The following CTIF variants were observed in gnomAD, a reference collection of about 807,000 sequenced individuals.
CTIF encodes cap binding complex dependent translation initiation factor.
A neutral mutation model predicts 66.0 loss-of-function variants in CTIF; 21 were observed. The observed-to-expected ratio is 0.32, with a 90% CI of 0.23 to 0.46. The LOEUF (loss-of-function observed/expected upper bound fraction) is 0.46. Ranked by LOEUF, CTIF falls within the 20% of genes least tolerant of loss-of-function variation. The pLI, the probability that CTIF is intolerant of heterozygous loss-of-function variation, is 1.00. For missense variants in CTIF, 739 were observed against 812.7 expected (o/e 0.91, Z 1.10); for synonymous variants, 345 against 326.4 (o/e 1.06, Z -0.62).
intron 1 of CTIF, among the ~76,000 whole-genome samples, chr18:48,585,150 C>T (rs1382250938): frequency 3.3e-5 from 5 of 152,262 alleles, no homozygotes; most frequent in Non-Finnish European, 1.5e-5. Context: ...ATTTCTCAAA[C>T]CCAGAGCATT....
intron 1 of CTIF, among the ~76,000 whole-genome samples, chr18:48,575,643 G>A (rs925395331): frequency 1.3e-5 from 2 of 152,170 alleles, no homozygotes; most frequent in South Asian, 4.1e-4. Flanking sequence ...GGGATGGAAG[G>A]TCCGTGGAGA....
intron 1 of CTIF, among the ~76,000 whole-genome samples, chr18:48,599,345 T>G (rs1347110309): frequency 1.3e-5 from 2 of 151,994 alleles, no homozygotes; most frequent in East Asian, 3.9e-4. Context: ...TTTTTTCTTG[T>G]TCATAAAAAT....
chr18:48,560,319 A>C (rs542780995), intron 1 of CTIF, among the ~76,000 whole-genome samples: 1 of 146,474 alleles, frequency 6.8e-6, no homozygotes, highest in Admixed American at 7.0e-5. Flanking sequence ...CTCGCCTCCC[A>C]GGTTCACGCC....
chr18:48,814,989 A>G (rs2068332689), intron 9 of CTIF, among the ~76,000 whole-genome samples: 1 of 152,202 alleles, frequency 6.6e-6, no homozygotes, highest in Non-Finnish European at 1.5e-5. Context: ...CTGCACTTAC[A>G]AGGGACCGTG....
intron 1 of CTIF, among the ~76,000 whole-genome samples, chr18:48,574,761 G>C (rs536687051): frequency 7.6e-6 from 1 of 130,836 alleles, no homozygotes; most frequent in East Asian, 2.1e-4. Flanking sequence ...TCCCCTAGGA[G>C]TGTGGTGTGA....
At chr18:48,759,438 G>A (rs780740504) in intron 8 of CTIF, among the ~76,000 whole-genome samples, 7 of 152,300 alleles carry the variant, frequency 4.6e-5, no homozygotes, top group Admixed American at 6.5e-5. Context: ...CCTCTTCTTG[G>A]ATCCACTCTT....
Position 48,758,054 on chromosome 18 carries a change from T to C in CTIF, c.720T>C (p.Thr240=), listed in dbSNP as rs1264439280. The change falls in exon 8 of 12, where the codon ACT becomes ACC. Residue 240 remains threonine, a synonymous_variant. Transcript: ENST00000256413. ...GSAPHPSGRP[T]HHGYSQNRRW... ...CACCCCACCCCTCAGGGAGGCCCAC[T>C]CACCATGGCTACAGCCAGAACCGGC... 7 of 1,613,270 alleles carry C rather than the reference T, an allele frequency of 4.3e-6. No individual in the cohort carries two copies. The highest frequency in any genetic ancestry group is 5.9e-6 in the Non-Finnish European group (7 of 1,179,818).
intron 1 of CTIF, among the ~76,000 whole-genome samples, chr18:48,579,592 C>G (rs1357302518): frequency 1.3e-5 from 2 of 152,062 alleles, no homozygotes; most frequent in African/African-American, 4.8e-5. Context: ...CCCCCCAAGC[C>G]CACACACACA....
intron 1 of CTIF, among the ~76,000 whole-genome samples, chr18:48,575,318 C>T (rs1052943426): frequency 3.9e-5 from 6 of 152,206 alleles, no homozygotes; most frequent in Admixed American, 6.5e-5. Flanking sequence ...GCAACACGGC[C>T]GAGTAACAGA....
intron 9 of CTIF, among the ~76,000 whole-genome samples, chr18:48,795,622 A>G (rs1057240338): frequency 2.6e-5 from 4 of 152,138 alleles, no homozygotes; most frequent in South Asian, 2.1e-4. Context: ...GGGTAGTCCT[A>G]TTTTCCCAGG....
intron 6 of CTIF, among the ~76,000 whole-genome samples, chr18:48,678,063 A>G (rs980327345): frequency 1.3e-5 from 2 of 152,190 alleles, no homozygotes; most frequent in East Asian, 3.8e-4. Flanking sequence ...CTCCTCTGGT[A>G]CCTCTTTCTA....
chr18:48,795,988 A>G (rs372792794), intron 9 of CTIF, among the ~76,000 whole-genome samples: 153 of 152,204 alleles, frequency 1.0e-3, no homozygotes, highest in African/African-American at 3.6e-3. Flanking sequence ...CCAAATGCCC[A>G]GGTGTTGGTT....
chr18:48,749,240 A>G (rs1372968411), intron 7 of CTIF, among the ~76,000 whole-genome samples: 1 of 152,214 alleles, frequency 6.6e-6, no homozygotes, highest in Non-Finnish European at 1.5e-5. Context: ...GCTAAGGCCC[A>G]TCAGCCAGGG....
chr18:48,551,140 T>C (rs1017920430), intron 1 of CTIF, among the ~76,000 whole-genome samples: 1 of 149,110 alleles, frequency 6.7e-6, no homozygotes, highest in African/African-American at 2.5e-5. Flanking sequence ...ATGACTGGTG[T>C]CCTTAAAAGA....
chr18:48,670,621 G>C, intron 5 of CTIF, 48 bp from the exon 6 acceptor site: 1 of 1,529,618 alleles, frequency 6.5e-7, no homozygotes, highest in Non-Finnish European at 9.1e-7. Flanking sequence ...GGGACAGGAG[G>C]CATGAATGAG....
At chr18:48,626,661 T>TTTTTG (rs2090609248) in intron 2 of CTIF, among the ~76,000 whole-genome samples, 1 of 147,310 alleles carries the variant, frequency 6.8e-6, no homozygotes, top group Non-Finnish European at 1.5e-5. Context: ...TTTTTGTTTT[T>TTTTTG]TTTTTTTTTT....
intron 6 of CTIF, among the ~76,000 whole-genome samples, chr18:48,709,537 C>T (rs2092199966): frequency 6.6e-6 from 1 of 152,230 alleles, no homozygotes; most frequent in Admixed American, 6.5e-5. Flanking sequence ...TTCCCTCTGC[C>T]CGGCCTCAGA....
chr18:48,745,086 T>G (rs2092585616), intron 7 of CTIF, among the ~76,000 whole-genome samples: 1 of 152,168 alleles, frequency 6.6e-6, no homozygotes, highest in South Asian at 2.1e-4. Context: ...CCTCCCAAAG[T>G]GCTGGGATTA....
chr18:48,593,123 TC>T (rs911570258), intron 1 of CTIF, among the ~76,000 whole-genome samples: 1 of 152,074 alleles, frequency 6.6e-6, no homozygotes, highest in Non-Finnish European at 1.5e-5. Context: ...ATGGCAGCAT[TC>T]AAGGTGCAGG....
Sources: gnomAD v4.1 joint callset for allele counts (sites outside exome capture counted in the v4.1 genomes callset) on GRCh38, gnomAD v4.1.1 for gene constraint, MANE v1.5 for transcripts, NCBI Gene and HGNC (gene_info 2026-07-23, HGNC 2026-07-21) for gene names.